TNNI3K: variants seen among roughly 807,000 people sequenced by gnomAD.
The protein encoded by TNNI3K is TNNI3 interacting kinase.
Under a neutral mutation model 114.5 loss-of-function variants are expected in TNNI3K, and 140 were observed. The observed-to-expected ratio is 1.22, with a 90% CI of 1.07 to 1.41. The LOEUF (loss-of-function observed/expected upper bound fraction) is 1.41. TNNI3K is among the 40% of genes most tolerant of loss of function. The pLI, the probability that TNNI3K is intolerant of heterozygous loss-of-function variation, is 0.00. For synonymous variants in TNNI3K, 347 were observed against 347.5 expected (o/e 1.00, Z 0.02); for missense variants, 1,125 against 1,007.6 (o/e 1.12, Z -1.58).
At chr1:74,410,144 T>G (rs1255263352) in intron 17 of TNNI3K, among the ~76,000 whole-genome samples, 1 of 152,170 alleles carries the variant, frequency 6.6e-6, no homozygotes, top group African/African-American at 2.4e-5. Context: ...GACAAATTAA[T>G]TCTGATAAAA....
intron 4 of TNNI3K, among the ~76,000 whole-genome samples, chr1:74,263,429 T>A (rs914971648): frequency 6.6e-6 from 1 of 152,022 alleles, no homozygotes; most frequent in Non-Finnish European, 1.5e-5. Flanking sequence ...GCTTGATATA[T>A]ATACTTAATA....
intron 5 of TNNI3K, among the ~76,000 whole-genome samples, chr1:74,285,419 T>C (rs1657267531): frequency 6.6e-6 from 1 of 152,202 alleles, no homozygotes; most frequent in Non-Finnish European, 1.5e-5. Flanking sequence ...TATAGTCTCT[T>C]TATGGTTCAC....
At chr1:74,313,253 T>G (rs1447775725) in intron 5 of TNNI3K, among the ~76,000 whole-genome samples, 2 of 152,190 alleles carry the variant, frequency 1.3e-5, no homozygotes, top group Non-Finnish European at 2.9e-5. Context: ...ATGCGATTTA[T>G]CTCTACCGTT....
intron 17 of TNNI3K, among the ~76,000 whole-genome samples, chr1:74,394,578 A>G (rs910283300): frequency 1.3e-5 from 2 of 152,120 alleles, no homozygotes; most frequent in African/African-American, 4.8e-5. Context: ...CCCAAACCAA[A>G]GAAGTTTAGT....
intron 21 of TNNI3K, chr1:74,480,377 C>A (rs1668426249): frequency 1.4e-6 from 1 of 717,588 alleles, no homozygotes; most frequent in Non-Finnish European, 2.6e-6. Flanking sequence ...TCTTAAAAAC[C>A]GAGCAAGGGG....
At chr1:74,489,534 T>C (rs1056350172) in intron 22 of TNNI3K, among the ~76,000 whole-genome samples, 3 of 152,196 alleles carry the variant, frequency 2.0e-5, no homozygotes, top group Non-Finnish European at 4.4e-5. Flanking sequence ...TTGGAAAGTA[T>C]AACAAATACA....
rs749090310 is a variant in TNNI3K at position 74,271,688 on chromosome 1, A to G, written c.424A>G (p.Thr142Ala). 3.9e-5 allele frequency: 63 copies of G among 1,607,696 alleles called. No homozygotes were observed. In the South Asian group the frequency reaches 6.4e-4, roughly 16 times the overall value. ...TGGCCTCACTGCCCTCCATATTGCT[A>G]CAATAGCTGGCCACCTAGAGGTAAG... ...YGGLTALHIA[T>A]IAGHLEAADV... The change falls in exon 5 of 25, where the codon ACA becomes GCA. Residue 142 changes from threonine (T) to alanine (A), a missense_variant. By Grantham distance (58) the Thr-to-Ala change is moderately conservative (BLOSUM62 0). Transcript: ENST00000326637.
intron 17 of TNNI3K, among the ~76,000 whole-genome samples, chr1:74,377,966 A>T (rs900036416): frequency 2.6e-5 from 4 of 152,084 alleles, no homozygotes; most frequent in African/African-American, 9.7e-5. Context: ...ACATTTCCAT[A>T]TGTTTTCGTA....
intron 20 of TNNI3K, among the ~76,000 whole-genome samples, chr1:74,461,125 G>C (rs990834003): frequency 2.0e-5 from 3 of 152,186 alleles, no homozygotes; most frequent in Non-Finnish European, 4.4e-5. Flanking sequence ...TAGAAGATCA[G>C]TGATTGCTGA....
At chr1:74,472,110 T>C in intron 21 of TNNI3K, 1 of 717,294 alleles carries the variant, frequency 1.4e-6, no homozygotes, top group Non-Finnish European at 2.6e-6. Context: ...GAGGCTGCCA[T>C]GATTCATTTG....
At chr1:74,372,364 A>T (rs1283529176) in intron 17 of TNNI3K, 1 of 151,750 alleles carries the variant, frequency 6.6e-6, no homozygotes, top group South Asian at 2.1e-4. Context: ...GCCCTCAGCT[A>T]TTTTTCTCTT....
chr1:74,349,265 T>C (rs1661195271), intron 9 of TNNI3K, among the ~76,000 whole-genome samples: 1 of 152,200 alleles, frequency 6.6e-6, no homozygotes, highest in Non-Finnish European at 1.5e-5. Context: ...TTTGGTTCTG[T>C]TTATATGCTG....
At chr1:74,535,943 ATTT>A (rs1361819227) in intron 23 of TNNI3K, among the ~76,000 whole-genome samples, 5 of 152,048 alleles carry the variant, frequency 3.3e-5, no homozygotes, top group Non-Finnish European at 7.4e-5. Flanking sequence ...TCCCCTTATT[ATTT>A]ATCTTCATCA....
Position 74,438,687 on chromosome 1 carries a change from A to C in TNNI3K, c.1879-803A>C, listed in dbSNP as rs141320330. Among the ~76,000 whole-genome samples the C allele has an allele frequency of 1.8e-3, 277 of 152,180 alleles. 2 individuals carry two copies. The highest frequency in any genetic ancestry group is 6.4e-3 in the African/African-American group (265 of 41,546). On this transcript the variant is annotated intron_variant, in intron 19 of 24. Transcript: ENST00000326637. ...TGTTCTGCGCCCTAAACTAGAAATCAACCAAATTTATGCATTTGCATCCCA... is the reference window on the plus strand; with the variant it reads ...TGTTCTGCGCCCTAAACTAGAAATCCACCAAATTTATGCATTTGCATCCCA...
chr1:74,324,079 C>T (rs1285475789), intron 5 of TNNI3K, among the ~76,000 whole-genome samples: 4 of 152,212 alleles, frequency 2.6e-5, no homozygotes, highest in African/African-American at 9.6e-5. Context: ...GTCTCCCTCA[C>T]AAGAGGACTA....
intron 17 of TNNI3K, among the ~76,000 whole-genome samples, chr1:74,409,882 C>G (rs1664803408): frequency 6.6e-6 from 1 of 151,908 alleles, no homozygotes; most frequent in African/African-American, 2.4e-5. Flanking sequence ...CTTTTATTGA[C>G]AATTGGATAA....
chr1:74,368,962 A>T (rs1293310322), intron 13 of TNNI3K, 60 bp from the exon 14 acceptor site: 32 of 1,378,144 alleles, frequency 2.3e-5, no homozygotes, highest in Non-Finnish European at 3.2e-5. Context: ...ATGCACATGT[A>T]TACACATCCA....
At chr1:74,266,767 C>A (rs1423709676) in intron 4 of TNNI3K, among the ~76,000 whole-genome samples, 1 of 151,882 alleles carries the variant, frequency 6.6e-6, no homozygotes, top group East Asian at 1.9e-4. Context: ...AACAATAAGG[C>A]AGGATATTAA....
At chr1:74,246,519 C>G (rs144711412) in intron 2 of TNNI3K, among the ~76,000 whole-genome samples, 1 of 152,172 alleles carries the variant, frequency 6.6e-6, no homozygotes, top group Non-Finnish European at 1.5e-5. Flanking sequence ...TGAGCTGCTT[C>G]GGCTTTTCTT....
Sources: allele counts gnomAD v4.1 joint callset (sites outside exome capture counted in the v4.1 genomes callset), GRCh38; gene constraint gnomAD v4.1.1; transcripts MANE v1.5; gene names NCBI Gene and HGNC (gene_info 2026-07-23, HGNC 2026-07-21).